Variants in SETX observed in about 807,000 individuals in gnomAD.
SETX encodes helicase senataxin.
Under a neutral mutation model 227.2 loss-of-function variants are expected in SETX, and 90 were observed. That is an observed-to-expected ratio of 0.40 (90% CI 0.33 to 0.47). SETX has a LOEUF of 0.47. SETX is among the 20% of genes least tolerant of loss of function. SETX has a pLI of 0.91. For synonymous variants in SETX, 1,210 were observed against 1,113.2 expected (o/e 1.09, Z -1.73); for missense variants, 3,052 against 3,181.5 (o/e 0.96, Z 0.98).
At chr9:132,341,821 C>T (rs914621665) in intron 5 of SETX, among the ~76,000 whole-genome samples, 10 of 152,216 alleles carry the variant, frequency 6.6e-5, no homozygotes, top group African/African-American at 2.4e-4. Context: ...AGCTGAATCC[C>T]GAGCTACCCA....
Position 132,296,910 on chromosome 9 carries a change from G to A in SETX, c.5926C>T (p.Leu1976Phe), listed in dbSNP as rs1306071212. Residue 1976 changes from leucine to phenylalanine, a missense_variant, in exon 14 of 26, where the codon CTC (leucine) becomes TTC (phenylalanine). Physicochemically the swap from Leu to Phe is conservative, Grantham distance 22 (BLOSUM62 0). Around this residue, in one of 10 missense-constraint regions of SETX, gnomAD observed 412 missense variants for 589.0 expected, o/e 0.70. Transcript: ENST00000224140. Reference protein sequence around the residue: ...GTGKSKTIVGLLYRLLTENQR... With the variant: ...GTGKSKTIVGFLYRLLTENQR... ...ACCTCTGTCAGTAGACGATAGAGGA[G>A]GCCAACAATAGTTTTTGATTTTCCT... The A allele has an allele frequency of 2.2e-5, 36 of 1,614,098 alleles. No individual in the cohort carries two copies. Among genetic ancestry groups the A allele is most frequent in the Non-Finnish European group, 3.1e-5 (36 of 1,180,024 alleles).
chr9:132,349,682 A>G (rs1365803635), intron 2 of SETX, among the ~76,000 whole-genome samples: 4 of 152,256 alleles, frequency 2.6e-5, no homozygotes, highest in African/African-American at 9.6e-5. Context: ...AAGGCAACAT[A>G]AAGTTGTGCT....
chr9:132,283,861 G>C (rs1564486264), intron 18 of SETX, among the ~76,000 whole-genome samples: 1 of 152,024 alleles, frequency 6.6e-6, no homozygotes, highest in African/African-American at 2.4e-5. Context: ...TAGTGCTTTT[G>C]CTAGTACTAA....
At chr9:132,343,066 T>A (rs2131542579) in intron 4 of SETX, among the ~76,000 whole-genome samples, 1 of 152,266 alleles carries the variant, frequency 6.6e-6, no homozygotes, top group East Asian at 1.9e-4. Context: ...ACACCTGTAA[T>A]CCCAGCACTT....
chr9:132,351,060 C>T (rs561559984), intron 2 of SETX, among the ~76,000 whole-genome samples: 1 of 152,118 alleles, frequency 6.6e-6, no homozygotes, highest in Admixed American at 6.5e-5. Flanking sequence ...TGTATTTCTG[C>T]AGAATTTAAA....
At chr9:132,284,036 C>T (rs1843688568) in intron 18 of SETX, among the ~76,000 whole-genome samples, 1 of 152,184 alleles carries the variant, frequency 6.6e-6, no homozygotes, top group Admixed American at 6.5e-5. Context: ...ATTCAGTTTG[C>T]TGCTTTTTGC....
intron 15 of SETX, among the ~76,000 whole-genome samples, chr9:132,290,722 C>T (rs781136148): frequency 1.2e-4 from 19 of 152,004 alleles, no homozygotes; most frequent in Non-Finnish European, 2.1e-4. Context: ...TGATGAAACT[C>T]CACCTCTATC....
intron 20 of SETX, among the ~76,000 whole-genome samples, chr9:132,279,723 A>C (rs975462089): frequency 2.3e-4 from 35 of 152,378 alleles, no homozygotes; most frequent in African/African-American, 8.4e-4. Context: ...CCTAATTTTT[A>C]ATCTTTTCTT....
intron 3 of SETX, 94 bp downstream of exon 3, chr9:132,349,158 T>C: frequency 8.2e-7 from 1 of 1,218,056 alleles, no homozygotes; most frequent in Non-Finnish European, 1.2e-6. Context: ...TGAAATCGTA[T>C]CATCATTTCT....
intron 10 of SETX, among the ~76,000 whole-genome samples, chr9:132,312,745 A>T (rs980097997): frequency 6.6e-6 from 1 of 152,182 alleles, no homozygotes; most frequent in African/African-American, 2.4e-5. Flanking sequence ...CACCCAGAAT[A>T]CCCTACAGTA....
chr9:132,273,439 A>G (rs1456124657), intron 23 of SETX, among the ~76,000 whole-genome samples: 2 of 152,258 alleles, frequency 1.3e-5, no homozygotes, highest in Non-Finnish European at 2.9e-5. Flanking sequence ...CTGGGATTAC[A>G]GGCATGAGCC....
Position 132,330,207 on chromosome 9 carries a change from G to A in SETX, c.1391C>T (p.Ser464Leu), listed in dbSNP as rs200614765. Reference sequence around the variant, plus strand: ...TTTATTTCTATGCAGTTCAATCACTGATACCAAAATTAGAAGAAAAAATTC... The same window carrying A: ...TTTATTTCTATGCAGTTCAATCACTAATACCAAAATTAGAAGAAAAAATTC... ...VTEFFLLILV[S>L]VIELHRNKKC... The change falls in exon 10 of 26, where the codon TCA (serine) becomes TTA (leucine). Residue 464 changes from serine (S) to leucine (L), a missense_variant. Ser to Leu is a moderately radical substitution (Grantham distance 145). Coordinates refer to ENST00000224140, the MANE Select transcript of SETX (RefSeq NM_015046.7). The A allele has an allele frequency of 4.8e-4, 754 of 1,572,286 alleles. No homozygotes were observed. The highest frequency in any genetic ancestry group is 6.3e-4 in the Non-Finnish European group (731 of 1,159,016).
chr9:132,267,958 CA>C (rs763779090), intron 25 of SETX, among the ~76,000 whole-genome samples: 11 of 152,158 alleles, frequency 7.2e-5, no homozygotes, highest in Admixed American at 1.3e-4. Flanking sequence ...CTCCTTTAAT[CA>C]AGGCATCACT....
In SETX at chr9:132,288,549, C is replaced by T. The variant is rs766837398; in HGVS notation, c.6208+1G>A. The T allele has an allele frequency of 3.1e-6, 5 of 1,603,624 alleles. No homozygotes were observed. The highest frequency in any genetic ancestry group is 1.3e-5 in the African/African-American group (1 of 74,800). On this transcript the variant is annotated splice_donor_variant, in intron 16 of 25. Coordinates refer to ENST00000224140, the MANE Select transcript of SETX (RefSeq NM_015046.7). LOFTEE classifies it high-confidence loss of function. ...TAGTATATACCACATTCAGTACTTA[C>T]TCATTCTGTGGTTTACTTGGCTGTC...
rs1372636285 is a variant in SETX at position 132,277,151 on chromosome 9, G to C, written c.6844C>G (p.Gln2282Glu). The C allele has an allele frequency of 1.9e-6, 3 of 1,602,368 alleles. No individual in the cohort carries two copies. Among genetic ancestry groups the C allele is most frequent in the Non-Finnish European group, 2.6e-6 (3 of 1,175,982 alleles). Reference protein sequence around the residue: ...VYNRNLKTNRQTEAIRCSSDW... With the variant: ...VYNRNLKTNRETEAIRCSSDW... ...GATGAACATCGAATGGCTTCTGTCT[G>C]TCTGTAAAAAAAAAAAAGCAGTCAA... The change falls in exon 22 of 26, where the codon CAG (glutamine) becomes GAG (glutamate). Residue 2282 changes from glutamine to glutamate, a missense_variant and splice_region_variant. Physicochemically the swap from Gln to Glu is conservative, Grantham distance 29. This residue lies in a region of SETX where 412 missense variants were observed against 589.0 expected (regional missense o/e 0.70). Transcript: ENST00000224140.
chr9:132,325,371 A>G (rs1846667104), intron 10 of SETX, among the ~76,000 whole-genome samples: 1 of 152,106 alleles, frequency 6.6e-6, no homozygotes, highest in Non-Finnish European at 1.5e-5. Flanking sequence ...AAGAAAAAAG[A>G]AAAAAGAAAG....
intron 25 of SETX, among the ~76,000 whole-genome samples, chr9:132,269,030 C>T (rs760438940): frequency 1.3e-5 from 2 of 152,168 alleles, no homozygotes; most frequent in Non-Finnish European, 2.9e-5. Flanking sequence ...AAGTTATTAC[C>T]CCTAATAAGA....
Position 132,275,142 on chromosome 9 carries a change from G to A in SETX, c.7100+114C>T, listed in dbSNP as rs138772024. 836 of 1,136,398 alleles carry A rather than the reference G, an allele frequency of 7.4e-4. 8 individuals carry two copies. In the African/African-American group the frequency reaches 9.6e-3, roughly 13 times the overall value. 70.4% of individuals were successfully genotyped at this position (1,136,398 alleles called of 1,614,324 possible). A position where few individuals can be genotyped will look rare whatever the true frequency, so the allele number is the denominator to read the frequency against. On this transcript the variant is annotated intron_variant, in intron 23 of 25. Transcript: ENST00000224140. ...AGCAGCATCCCAGCTTCCTCGTGCC[G>A]TATCACCAATTTGCACAGACCACTC...
chr9:132,266,675 G>T (rs531800229), intron 25 of SETX, among the ~76,000 whole-genome samples: 2 of 152,278 alleles, frequency 1.3e-5, no homozygotes, highest in South Asian at 2.1e-4. Flanking sequence ...GAGATGCTAA[G>T]GCATGAGAAT....
Sources: gnomAD v4.1 joint callset for allele counts (sites outside exome capture counted in the v4.1 genomes callset) on GRCh38, gnomAD v4.1.1 for gene constraint, gnomAD v4.1.1 regional missense constraint, MANE v1.5 for transcripts, NCBI Gene and HGNC (gene_info 2026-07-23, HGNC 2026-07-21) for gene names.